The following IGDCC4 variants were observed in gnomAD, a reference collection of about 807,000 sequenced individuals.
The protein encoded by IGDCC4 is immunoglobulin superfamily DCC subclass member 4.
A neutral mutation model predicts 116.6 loss-of-function variants in IGDCC4; 72 were observed. The ratio of observed to expected loss-of-function variants is 0.62; its 90% confidence interval spans 0.51 to 0.75. The LOEUF (loss-of-function observed/expected upper bound fraction) is 0.75, where lower values mean the gene tolerates loss of function less well. Ranked by LOEUF, IGDCC4 falls within the 30% of genes least tolerant of loss-of-function variation. The pLI, the probability that IGDCC4 is intolerant of heterozygous loss-of-function variation, is 0.00. For missense variants in IGDCC4, 1,501 were observed against 1,662.4 expected, an observed-to-expected ratio of 0.90 and a Z score of 1.69; for synonymous variants, 709 against 719.9, an observed-to-expected ratio of 0.98 and a Z score of 0.24.
chr15:65,408,047 C>T (rs912802609), intron 3 of IGDCC4, among the ~76,000 whole-genome samples: 3 of 152,064 alleles, frequency 2.0e-5, no homozygotes, highest in Non-Finnish European at 4.4e-5. Context: ...GGAGTACAGG[C>T]GTGAGTCACC....
chr15:65,388,619 G>A, intron 15 of IGDCC4, 33 bp from the exon 16 acceptor site: 1 of 1,613,018 alleles, frequency 6.2e-7, no homozygotes, highest in Non-Finnish European at 8.5e-7. Context: ...GAGCAGGGAT[G>A]GTGGATGGGG....
chr15:65,385,828 T>TA lies in IGDCC4; in HGVS notation c.3180+2dup, dbSNP rs1205908891. The TA allele has an allele frequency of 6.2e-7, 1 of 1,610,508 alleles. No homozygotes were observed. Among genetic ancestry groups the TA allele is most frequent in the Non-Finnish European group, 8.5e-7 (1 of 1,178,362 alleles). ...AGAGCCGCAATGTGGGGCTCTGACT[T>TA]ACCTTTCTTTTGGAGTGACTCCGGC... is the stretch of plus-strand genomic sequence containing the variant. On this transcript the variant is annotated splice_region_variant and intron_variant, in intron 18 of 19. Transcript: ENST00000352385.
In IGDCC4 at chr15:65,388,811, G is replaced by C. The variant is rs749620830; in HGVS notation, c.2704C>G (p.Gln902Glu). 6 of 1,613,890 alleles carry C rather than the reference G, an allele frequency of 3.7e-6. No individual in the cohort carries two copies. In the Admixed American group the frequency reaches 6.7e-5, roughly 18 times the overall value. The change falls in exon 15 of 20, where the codon CAG becomes GAG. Residue 902 changes from glutamine to glutamate, a missense_variant. Physicochemically the swap from Gln to Glu is conservative, Grantham distance 29 (BLOSUM62 2). Transcript: ENST00000352385. The stretch of plus-strand genomic sequence containing the variant: ...GCCCTGGGGCAGGAGCCCTCACCCT[G>C]CGTGGTGAGCAAGGTCCACTGGTGC... ...PEHQWTLLTT[Q>E]GNIFSAEVHG... is the part of the protein sequence containing the mutation.
rs539142174 is a variant in IGDCC4 at position 65,385,774 on chromosome 15, C to T, written c.3180+57G>A. On this transcript the variant is annotated intron_variant, in intron 18 of 19. Coordinates refer to ENST00000352385, the MANE Select transcript of IGDCC4 (RefSeq NM_020962.3). ...TGCTCGCATAGCCACGCGTTGTGCT[C>T]TGTCGCCCCCTGGTGTCCTATTTAG... The T allele has an allele frequency of 2.1e-4, 288 of 1,400,110 alleles. No individual in the cohort carries two copies. The African/African-American group carries it at 3.6e-3, about 18-fold the overall frequency. The allele number at this position is 1,400,110 out of a possible 1,614,324, so 86.7% of individuals were successfully genotyped here.
At chr15:65,411,586 T>A (rs781168303) in intron 1 of IGDCC4, among the ~76,000 whole-genome samples, 3 of 152,214 alleles carry the variant, frequency 2.0e-5, no homozygotes, top group Non-Finnish European at 2.9e-5. Flanking sequence ...AGCAGCATTA[T>A]TCATAATAGC....
rs2062976859 is a variant in IGDCC4, at chr15:65,400,792, C to T, written c.841+14G>A. ...CCCTTCCCATGCCCTCCTTCTCCCA[C>T]CCCCTCCACTCACCTTGTCGGACCC... On this transcript the variant is annotated intron_variant, in intron 5 of 19. Coordinates refer to ENST00000352385, the MANE Select transcript of IGDCC4 (RefSeq NM_020962.3). The T allele has an allele frequency of 2.5e-6, 4 of 1,582,220 alleles. No homozygotes were observed. Among genetic ancestry groups the T allele is most frequent in the Non-Finnish European group, 3.4e-6 (4 of 1,162,090 alleles).
At chr15:65,396,338 TCTTC>T in intron 6 of IGDCC4, 175 bp from the exon 7 acceptor site, 1 of 738,946 alleles carries the variant, frequency 1.4e-6, no homozygotes. Context: ...ACCTACCCTT[TCTTC>T]TCCCCATTTA....
intron 1 of IGDCC4, among the ~76,000 whole-genome samples, chr15:65,413,049 TGTGTGTGTGTGA>T (rs946993637): frequency 3.3e-5 from 5 of 151,798 alleles, no homozygotes; most frequent in Admixed American, 2.0e-4. Flanking sequence ...TGTGTGTGTG[TGTGTGTGTGTGA>T]ATACTATATA....
At chr15:65,403,915 G>A (rs916639374) in intron 3 of IGDCC4, among the ~76,000 whole-genome samples, 1 of 152,148 alleles carries the variant, frequency 6.6e-6, no homozygotes, top group African/African-American at 2.4e-5. Flanking sequence ...TAAGGAGGGG[G>A]TGAATGGGTC....
intron 5 of IGDCC4, among the ~76,000 whole-genome samples, chr15:65,398,562 A>T (rs1172693748): frequency 1.3e-5 from 2 of 148,614 alleles, no homozygotes; most frequent in Non-Finnish European, 3.0e-5. Context: ...AAAAAGAAAG[A>T]AAAGAAAAGA....
Position 65,392,374 on chromosome 15 carries a change from G to C in IGDCC4, c.1886-4C>G. On this transcript the variant is annotated splice_polypyrimidine_tract_variant and splice_region_variant and intron_variant, in intron 10 of 19. Transcript: ENST00000352385. ...AACTCTGCAGGGGCAAAAGGGACTG[G>C]GGGGCAGAGGAGCAGGATGGGAAAA... 4 of 1,506,420 alleles carry C rather than the reference G, an allele frequency of 2.7e-6. No homozygotes were observed. In the South Asian group the frequency reaches 4.1e-5, roughly 15 times the overall value. 93.3% of individuals were successfully genotyped at this position (1,506,420 alleles called of 1,614,324 possible).
rs925573949 is a variant in IGDCC4 at position 65,410,303 on chromosome 15, A to G, written c.438T>C (p.Ser146=). 6.2e-7 allele frequency: 1 copy of G among 1,614,062 alleles called. No homozygotes were observed. Among genetic ancestry groups the G allele is most frequent in the Non-Finnish European group, 8.5e-7 (1 of 1,180,038 alleles). Residue 146 remains serine (S), a synonymous_variant, in exon 3 of 20, where the codon TCT becomes TCC. Transcript: ENST00000352385. ...CCACCGTCTGAGACTCCGGGTGCAG[A>G]GAGAAGTCTGCGAGTGCTGGGGACA... ...VVKLATLADF[S]LHPESQTVEE...
Position 65,395,111 on chromosome 15 carries a change from AC to A in IGDCC4, c.1558del (p.Val520CysfsTer35), listed in dbSNP as rs2140205041. On this transcript the variant is annotated frameshift_variant, in exon 8 of 20. Transcript: ENST00000352385. LOFTEE classifies it high-confidence loss of function. Reference sequence around the variant, plus strand: ...GGCCCTACCATCATCCAGTGTGTGCACCAGTGCTGGGGTGGAGGTGCGGCTG... The same window carrying A: ...GGCCCTACCATCATCCAGTGTGTGCACAGTGCTGGGGTGGAGGTGCGGCTG... ...GASRTSTPALVHTLDDVPSAA... is the reference protein window; with the variant it reads ...GASRTSTPALXHTLDDVPSAA... 6.2e-7 allele frequency: 1 copy of A among 1,612,500 alleles called. No homozygotes were observed. Among genetic ancestry groups the A allele is most frequent in the South Asian group, 1.1e-5 (1 of 90,988 alleles).
At chr15:65,422,388 ACT>A (rs1392852894) in intron 1 of IGDCC4, among the ~76,000 whole-genome samples, 1 of 149,618 alleles carries the variant, frequency 6.7e-6, no homozygotes, top group Non-Finnish European at 1.5e-5. Flanking sequence ...TTTTACACAC[ACT>A]CTCAACCCAA....
intron 13 of IGDCC4, 130 bp downstream of exon 13, chr15:65,390,025 T>A: frequency 1.2e-6 from 1 of 803,096 alleles, no homozygotes; most frequent in Non-Finnish European, 1.9e-6. Context: ...GGCCTCAGCG[T>A]AACAGGTGAG....
At chr15:65,398,814 C>T (rs1003755910) in intron 5 of IGDCC4, among the ~76,000 whole-genome samples, 2 of 152,044 alleles carry the variant, frequency 1.3e-5, no homozygotes, top group African/African-American at 2.4e-5. Context: ...TCGCTTGAAC[C>T]GGGAGGCGGA....
At chr15:65,407,567 T>G (rs544859306) in intron 3 of IGDCC4, among the ~76,000 whole-genome samples, 3 of 152,248 alleles carry the variant, frequency 2.0e-5, no homozygotes, top group African/African-American at 7.2e-5. Context: ...GGTCTTGAAC[T>G]CCTGACCTCA....
intron 13 of IGDCC4, 128 bp from the exon 14 acceptor site, chr15:65,389,539 TGGCCTGGA>T: frequency 7.6e-7 from 1 of 1,321,166 alleles, no homozygotes; most frequent in Non-Finnish European, 1.1e-6. Flanking sequence ...AGCTGCTCCC[TGGCCTGGA>T]GGCGACTACC....
Position 65,405,129 on chromosome 15 carries a change from T to G in IGDCC4, c.564-2642A>C, listed in dbSNP as rs868406662. Among the ~76,000 whole-genome samples, 93 of 100,330 alleles carry G rather than the reference T, an allele frequency of 9.3e-4. 1 individual carries two copies. In the South Asian group the frequency reaches 0.023, roughly 24 times the overall value. 65.8% of individuals were successfully genotyped at this position (100,330 alleles called of 152,430 possible). A position where few individuals can be genotyped will look rare whatever the true frequency, so the allele number is the denominator to read the frequency against. ...AAAGTGTTCAAAATATATTAGTTAG[T>G]GGGGGGGGGGGAGTAAAAAAACAGT... is the stretch of plus-strand genomic sequence containing the variant. On this transcript the variant is annotated intron_variant, in intron 3 of 19. Transcript: ENST00000352385.
Sources: allele counts gnomAD v4.1 joint callset (sites outside exome capture counted in the v4.1 genomes callset), GRCh38; gene constraint gnomAD v4.1.1; transcripts MANE v1.5; gene names NCBI Gene and HGNC (gene_info 2026-07-23, HGNC 2026-07-21).